GOLGA8A: variants seen among roughly 807,000 people sequenced by gnomAD.
GOLGA8A encodes the protein golgin subfamily A member 8A.
In GOLGA8A, 3 loss-of-function variants were observed where a neutral mutation model predicts 22.1. The ratio of observed to expected loss-of-function variants is 0.14; its 90% CI spans 0.06 to 0.35. The LOEUF (loss-of-function observed/expected upper bound fraction) is 0.35. Among genes scored for constraint, GOLGA8A ranks in the 10% least tolerant of loss-of-function variants. The pLI is 1.00. For synonymous variants in GOLGA8A, 7 were observed against 91.7 expected (o/e 0.08, Z 5.28); for missense variants, 16 against 233.2 (o/e 0.07, Z 6.07).
chr15:34,412,024 GTT>G (rs1206230155), intron 2 of GOLGA8A, among the ~76,000 whole-genome samples: 2 of 16,044 alleles, frequency 1.2e-4, no homozygotes, highest in Non-Finnish European at 1.9e-4. Context: ...CTGGTCCTGG[GTT>G]TTTTTTTTTT....
rs934494218 is a variant in GOLGA8A at position 34,437,242 on chromosome 15, C to T, written c.-1212+156G>A. On this transcript the variant is annotated intron_variant, in intron 1 of 24. Transcript: ENST00000359187. ...TGCACCCCTAGATCCCAGCGGCGGC[C>T]TCCCCGCAGCCCCGCCGAGTCCGGG... Among the ~76,000 whole-genome samples the T allele has an allele frequency of 5.5e-5, 8 of 146,316 alleles. 1 individual carries two copies. The highest frequency in any genetic ancestry group is 2.0e-4 in the Admixed American group (3 of 14,700).
At chr15:34,421,309 C>T (rs2453700) in intron 2 of GOLGA8A, among the ~76,000 whole-genome samples, 3,219 of 140,576 alleles carry the variant, frequency 0.023, 299 homozygotes, top group African/African-American at 0.077. Context: ...TGAAGGTACC[C>T]AAAAGTTGTC....
At chr15:34,434,194 C>T (rs1346308057) in intron 2 of GOLGA8A, among the ~76,000 whole-genome samples, 3 of 149,146 alleles carry the variant, frequency 2.0e-5, no homozygotes, top group Non-Finnish European at 4.5e-5. Context: ...TTCTTGGGAG[C>T]GAGCGGGGGA....
chr15:34,429,172 TC>T (rs1378058705), intron 2 of GOLGA8A, among the ~76,000 whole-genome samples: 2 of 147,374 alleles, frequency 1.4e-5, no homozygotes, highest in Non-Finnish European at 3.0e-5. Context: ...CCTGACCGCG[TC>T]TTCCTCCCAT....
intron 8 of GOLGA8A, among the ~76,000 whole-genome samples, chr15:34,393,592 TTGAC>T (rs1478458620): frequency 8.7e-5 from 13 of 149,780 alleles, no homozygotes; most frequent in Admixed American, 2.0e-4. Flanking sequence ...GTGTAACTGA[TTGAC>T]TGGTTGACTG....
chr15:34,437,153 C>T (rs1893563299), intron 1 of GOLGA8A, among the ~76,000 whole-genome samples: 1 of 147,452 alleles, frequency 6.8e-6, no homozygotes, highest in South Asian at 2.2e-4. Context: ...CTAGTCCCCG[C>T]CGCACCCGCC....
At position 34,435,818 on chromosome 15, in the gene GOLGA8A, CCTG is replaced by C. The variant is rs1566915993; in HGVS notation, c.-1211-350_-1211-348del. Reference sequence around the variant, plus strand: ...AGAGGGAGCCCACTCCAAGGGCCCCCCTGCCAGTACTGCTAGAGCCCACCGAGG... The same window carrying C: ...AGAGGGAGCCCACTCCAAGGGCCCCCCCAGTACTGCTAGAGCCCACCGAGG... On this transcript the variant is annotated intron_variant, in intron 1 of 24. Coordinates refer to ENST00000359187, the MANE Select transcript of GOLGA8A (RefSeq NM_181077.5). Among the ~76,000 whole-genome samples the C allele has an allele frequency of 2.0e-3, 295 of 149,460 alleles. 16 individuals are homozygous for C. Among genetic ancestry groups the C allele is most frequent in the African/African-American group, 6.0e-3 (243 of 40,576 alleles).
At chr15:34,433,082 C>T (rs1471465107) in intron 2 of GOLGA8A, among the ~76,000 whole-genome samples, 1 of 149,030 alleles carries the variant, frequency 6.7e-6, no homozygotes, top group Non-Finnish European at 1.5e-5. Flanking sequence ...TGGAACTGAG[C>T]TCCTGTTACT....
intron 2 of GOLGA8A, among the ~76,000 whole-genome samples, chr15:34,431,345 A>C (rs200883950): frequency 0.16 from 21,173 of 129,674 alleles, 3,408 homozygotes; most frequent in African/African-American, 0.29. Context: ...ATATATATAT[A>C]TCTCACACAC....
Position 34,429,181 on chromosome 15 carries a change from C to T in GOLGA8A, c.-1123+6202G>A, listed in dbSNP as rs1212981263. Among the ~76,000 whole-genome samples, 45 of 147,932 alleles carry T rather than the reference C, an allele frequency of 3.0e-4. 2 individuals carry two copies. The highest frequency in any genetic ancestry group is 4.0e-4 in the East Asian group (2 of 5,018). On this transcript the variant is annotated intron_variant, in intron 2 of 24. Transcript: ENST00000359187. ...CACGCCCCTGACCGCGTCTTCCTCC[C>T]ATGCTCTGAACTGTCCACTAGGGAA...
At position 34,428,970 on chromosome 15, in the gene GOLGA8A, T is replaced by C. The variant is rs1471081758; in HGVS notation, c.-1123+6413A>G. The C allele has an allele frequency of 4.1e-5, 6 of 146,552 alleles. 1 individual carries two copies. The highest frequency in any genetic ancestry group is 1.5e-4 in the African/African-American group (6 of 39,612). 9.1% of individuals were successfully genotyped at this position (146,552 alleles called of 1,614,324 possible). ...AGCAAGGCTGGGACTTGGCATCAGC[T>C]GCCACCTCCTACAGAACCCAGTGGG... On this transcript the variant is annotated intron_variant, in intron 2 of 24. Transcript: ENST00000359187.
intron 2 of GOLGA8A, among the ~76,000 whole-genome samples, chr15:34,431,345 A>ATCTCTCTC (rs1232402619): frequency 7.7e-6 from 1 of 130,484 alleles, no homozygotes; most frequent in African/African-American, 3.1e-5. Flanking sequence ...ATATATATAT[A>ATCTCTCTC]TCTCACACAC....
At position 34,379,281 on chromosome 15, in the gene GOLGA8A, C is replaced by A. The variant is rs910717240; in HGVS notation, c.*2130G>T. 2 of 152,558 alleles carry A rather than the reference C, an allele frequency of 1.3e-5. No homozygotes were observed. Among genetic ancestry groups the A allele is most frequent in the African/African-American group, 4.8e-5 (2 of 41,436 alleles). The allele number at this position is 152,558 out of a possible 1,614,324, so 9.5% of individuals were successfully genotyped here. On this transcript the variant is annotated 3_prime_UTR_variant, in exon 25 of 25. Transcript: ENST00000359187. The stretch of plus-strand genomic sequence containing the variant: ...TACTTTTCCTTCCCACCATTTCTTC[C>A]TTTTAAACTACAGGATTTATATTTT...
chr15:34,410,613 CG>C, intron 2 of GOLGA8A: 1 of 251,130 alleles, frequency 4.0e-6, no homozygotes, highest in Non-Finnish European at 6.4e-6. Flanking sequence ...CTAGCTGTCC[CG>C]GGGAAGGGAG....
intron 2 of GOLGA8A, among the ~76,000 whole-genome samples, chr15:34,427,937 T>G (rs1166403229): frequency 2.7e-5 from 4 of 148,652 alleles, no homozygotes; most frequent in African/African-American, 7.5e-5. Context: ...ATGGGAAGTC[T>G]CTGAAATTCA....
intron 24 of GOLGA8A, 27 bp downstream of exon 24, chr15:34,381,674 C>G: frequency 7.3e-7 from 1 of 1,372,738 alleles, no homozygotes; most frequent in Non-Finnish European, 1.0e-6. Flanking sequence ...CTCCTGCCTG[C>G]TCACCCCGCC....
At chr15:34,425,411 C>A (rs1415960719) in intron 2 of GOLGA8A, among the ~76,000 whole-genome samples, 1 of 142,978 alleles carries the variant, frequency 7.0e-6, no homozygotes, top group East Asian at 2.1e-4. Context: ...ACTACATCCA[C>A]AAATCACACC....
intron 2 of GOLGA8A, among the ~76,000 whole-genome samples, chr15:34,424,425 C>G (rs1892901067): frequency 7.1e-6 from 1 of 141,202 alleles, no homozygotes; most frequent in African/African-American, 2.6e-5. Context: ...AAATGATTCT[C>G]CAATAAAAAA....
rs749533992 is a variant in GOLGA8A at position 34,436,982 on chromosome 15, G to C, written c.-1212+416C>G. 1.3e-5 allele frequency among the ~76,000 whole-genome samples: 2 copies of C among 149,478 alleles called. 1 individual carries two copies. The highest frequency in any genetic ancestry group is 3.0e-5 in the Non-Finnish European group (2 of 67,110). ...AAACTCAGTAGTTGCCGCCCGGCAC[G>C]GGGACTTGATGCCGGCGCCAAGCCG... On this transcript the variant is annotated intron_variant, in intron 1 of 24. Coordinates refer to ENST00000359187, the MANE Select transcript of GOLGA8A (RefSeq NM_181077.5).
Sources: gnomAD v4.1 joint callset for allele counts (sites outside exome capture counted in the v4.1 genomes callset) on GRCh38, gnomAD v4.1.1 for gene constraint, MANE v1.5 for transcripts, NCBI Gene and HGNC (gene_info 2026-07-23, HGNC 2026-07-21) for gene names.